The following WDR27 variants were observed in gnomAD, a reference collection of about 807,000 sequenced individuals.
WDR27 encodes WD repeat domain 27.
Under a neutral mutation model 114.4 loss-of-function variants are expected in WDR27, and 100 were observed. The observed-to-expected ratio is 0.87, with a 90% CI of 0.74 to 1.03. The LOEUF is 1.03. WDR27 is among the 50% of genes least tolerant of loss of function. WDR27 has a pLI of 0.00. For missense variants in WDR27, 1,129 were observed against 1,092.9 expected, an observed-to-expected ratio of 1.03 and a Z score of -0.47; for synonymous variants, 449 against 423.1, an observed-to-expected ratio of 1.06 and a Z score of -0.75.
chr6:169,645,423 C>T (rs1363128696), intron 16 of WDR27, among the ~76,000 whole-genome samples: 2 of 150,068 alleles, frequency 1.3e-5, no homozygotes, highest in Non-Finnish European at 3.0e-5. Context: ...ACAGGAGTCA[C>T]ACTACAGAAA....
intron 23 of WDR27, among the ~76,000 whole-genome samples, chr6:169,594,015 G>C (rs1410056185): frequency 6.6e-6 from 1 of 152,012 alleles, no homozygotes; most frequent in Non-Finnish European, 1.5e-5. Context: ...TGGCTTTTTA[G>C]GTAGATATTC....
chr6:169,609,817 C>A (rs748777366), intron 22 of WDR27, among the ~76,000 whole-genome samples: 2 of 152,210 alleles, frequency 1.3e-5, no homozygotes, highest in Non-Finnish European at 2.9e-5. Context: ...TGTCAGGCTG[C>A]AAATTTTTCA....
At chr6:169,543,142 A>T (rs1278961255) in intron 25 of WDR27, among the ~76,000 whole-genome samples, 1 of 152,124 alleles carries the variant, frequency 6.6e-6, no homozygotes, top group Non-Finnish European at 1.5e-5. Context: ...TCTGGGTAAA[A>T]TATATAGTAT....
chr6:169,598,421 G>C (rs1481249843), intron 23 of WDR27, among the ~76,000 whole-genome samples: 1 of 152,242 alleles, frequency 6.6e-6, no homozygotes, highest in Admixed American at 6.5e-5. Flanking sequence ...CTAGAGGCAA[G>C]AGAGGGACAA....
chr6:169,641,671 C>T (rs1295191977), intron 17 of WDR27, among the ~76,000 whole-genome samples: 2 of 152,202 alleles, frequency 1.3e-5, no homozygotes. Flanking sequence ...CGGCGCAGCT[C>T]GAGCCAACCA....
intron 25 of WDR27, among the ~76,000 whole-genome samples, chr6:169,472,386 G>C (rs1464705109): frequency 6.6e-6 from 1 of 152,084 alleles, no homozygotes; most frequent in Non-Finnish European, 1.5e-5. Flanking sequence ...TAGTTTCTGT[G>C]CAGTGATTAC....
chr6:169,486,693 T>C (rs138612831), intron 25 of WDR27, among the ~76,000 whole-genome samples: 12 of 152,270 alleles, frequency 7.9e-5, no homozygotes, highest in African/African-American at 2.6e-4. Flanking sequence ...GATTTCGCCA[T>C]GTTAGTTAGG....
chr6:169,624,299 G>A (rs1304934777), intron 21 of WDR27, among the ~76,000 whole-genome samples: 1 of 152,150 alleles, frequency 6.6e-6, no homozygotes, highest in African/African-American at 2.4e-5. Flanking sequence ...CGTCAGGTGT[G>A]TGGCATCAGG....
chr6:169,649,352 G>T, intron 14 of WDR27, 77 bp from the exon 15 acceptor site: 2 of 1,272,468 alleles, frequency 1.6e-6, no homozygotes, highest in Non-Finnish European at 2.2e-6. Context: ...ATTTTACAGT[G>T]AAAAAAATTA....
intron 25 of WDR27, among the ~76,000 whole-genome samples, chr6:169,515,720 T>C (rs1020531276): frequency 6.6e-6 from 1 of 151,018 alleles, no homozygotes; most frequent in Admixed American, 6.6e-5. Context: ...CCAAATATAA[T>C]AAATATAAAT....
intron 25 of WDR27, among the ~76,000 whole-genome samples, chr6:169,531,016 T>C (rs370993435): frequency 1.8e-4 from 27 of 152,294 alleles, no homozygotes; most frequent in African/African-American, 6.5e-4. Flanking sequence ...CCACAGCACC[T>C]AGCACTGCCT....
intron 9 of WDR27, 67 bp from the exon 10 acceptor site, chr6:169,660,833 G>A (rs1006089026): frequency 1.8e-5 from 26 of 1,410,720 alleles, no homozygotes; most frequent in Middle Eastern, 1.8e-4. Context: ...CCCCACGTGC[G>A]CCCCCTGGCC....
At chr6:169,528,228 A>C (rs958850593) in intron 25 of WDR27, among the ~76,000 whole-genome samples, 2 of 152,244 alleles carry the variant, frequency 1.3e-5, no homozygotes, top group African/African-American at 4.8e-5. Flanking sequence ...TCACGAACTG[A>C]AAAATTATTC....
At chr6:169,685,561 T>TA (rs1782688646) in intron 2 of WDR27, among the ~76,000 whole-genome samples, 3 of 152,080 alleles carry the variant, frequency 2.0e-5, no homozygotes, top group African/African-American at 7.2e-5. Context: ...GAATAAAATT[T>TA]AAAAACATAA....
chr6:169,493,876 G>A (rs554034869), intron 25 of WDR27, among the ~76,000 whole-genome samples: 11 of 152,192 alleles, frequency 7.2e-5, no homozygotes, highest in African/African-American at 2.2e-4. Context: ...GTTAAAGAAA[G>A]AAAAATAACT....
At chr6:169,624,219 G>A (rs935215785) in intron 21 of WDR27, among the ~76,000 whole-genome samples, 24 of 149,324 alleles carry the variant, frequency 1.6e-4, no homozygotes, top group South Asian at 4.3e-4. Flanking sequence ...CAGGTGTTCC[G>A]TGTGCGCATC....
intron 16 of WDR27, among the ~76,000 whole-genome samples, chr6:169,645,007 T>C (rs1424580020): frequency 5.4e-5 from 1 of 18,602 alleles, no homozygotes; most frequent in Non-Finnish European, 7.9e-5. Flanking sequence ...AGACTCCGTC[T>C]CAAAAAAAAA....
At chr6:169,502,486 C>T (rs1041075169) in intron 25 of WDR27, among the ~76,000 whole-genome samples, 1 of 152,292 alleles carries the variant, frequency 6.6e-6, no homozygotes, top group South Asian at 2.1e-4. Flanking sequence ...GTCTGTAGGT[C>T]GTAAGTCCCG....
chr6:169,520,687 T>A (rs968662027), intron 25 of WDR27, among the ~76,000 whole-genome samples: 10 of 150,490 alleles, frequency 6.6e-5, no homozygotes, highest in African/African-American at 2.4e-4. Flanking sequence ...TCAGAAAAAA[T>A]TAACAAAGCG....
Sources: allele counts gnomAD v4.1 joint callset (sites outside exome capture counted in the v4.1 genomes callset), GRCh38; gene constraint gnomAD v4.1.1; transcripts MANE v1.5; gene names NCBI Gene and HGNC (gene_info 2026-07-23, HGNC 2026-07-21).